Variants in GPR89A observed in about 807,000 individuals in gnomAD.
The protein encoded by GPR89A is golgi pH regulator A.
A neutral mutation model predicts 52.0 loss-of-function variants in GPR89A; 16 were observed. The observed-to-expected ratio is 0.31, with a 90% CI of 0.21 to 0.47. The LOEUF (loss-of-function observed/expected upper bound fraction) is 0.47. Ranked by LOEUF, GPR89A falls within the 20% of genes least tolerant of loss-of-function variation. The pLI is 1.00. For missense variants in GPR89A, 135 were observed against 449.4 expected (o/e 0.30, Z 6.33); for synonymous variants, 55 against 150.9 (o/e 0.36, Z 4.66).
intron 7 of GPR89A, among the ~76,000 whole-genome samples, chr1:145,635,915 C>T (rs1398406779): frequency 1.1e-4 from 16 of 152,122 alleles, no homozygotes; most frequent in African/African-American, 3.6e-4. Context: ...GCCGAGATTA[C>T]ACCACTGCAC....
At chr1:145,648,745 T>C (rs1553693054) in intron 10 of GPR89A, among the ~76,000 whole-genome samples, 1 of 150,512 alleles carries the variant, frequency 6.6e-6, no homozygotes, top group Admixed American at 6.6e-5. Context: ...CCTCCCAAAG[T>C]GCTGGGACTA....
At chr1:145,613,603 T>C (rs1416227909) in intron 1 of GPR89A, among the ~76,000 whole-genome samples, 2 of 151,596 alleles carry the variant, frequency 1.3e-5, no homozygotes, top group Non-Finnish European at 2.9e-5. Flanking sequence ...CCACTCCTCC[T>C]GTCTAGCCTC....
chr1:145,636,066 G>T (rs1650220985), intron 7 of GPR89A, among the ~76,000 whole-genome samples: 1 of 151,910 alleles, frequency 6.6e-6, no homozygotes, highest in East Asian at 1.9e-4. Context: ...ACATACTATA[G>T]CCCATTTCCC....
At chr1:145,625,075 G>A (rs1182177828) in intron 5 of GPR89A, among the ~76,000 whole-genome samples, 4 of 149,038 alleles carry the variant, frequency 2.7e-5, no homozygotes, top group African/African-American at 4.8e-5. Flanking sequence ...CAGGAATTTC[G>A]GGAGAGAGGT....
At chr1:145,611,394 TGGTGAG>T (rs1553686115) in intron 1 of GPR89A, 6 of 151,704 alleles carry the variant, frequency 4.0e-5, no homozygotes, top group Non-Finnish European at 8.8e-5. Flanking sequence ...ATCTTTATGT[TGGTGAG>T]TACCCAATAT....
At chr1:145,659,209 G>A (rs182436394) in intron 10 of GPR89A, among the ~76,000 whole-genome samples, 53 of 149,972 alleles carry the variant, frequency 3.5e-4, no homozygotes, top group African/African-American at 1.3e-3. Context: ...TATTGAGGTG[G>A]AGTCTAGCTC....
intron 6 of GPR89A, among the ~76,000 whole-genome samples, chr1:145,631,015 CA>C (rs1346807537): frequency 5.7e-5 from 2 of 35,096 alleles, no homozygotes; most frequent in Non-Finnish European, 1.1e-4. Context: ...ATTTGTCCTA[CA>C]TTCATTTATT....
intron 7 of GPR89A, among the ~76,000 whole-genome samples, chr1:145,634,087 T>TTG (rs1359667081): frequency 6.7e-6 from 1 of 149,490 alleles, no homozygotes. Context: ...TTGTGTTTTT[T>TTG]TTTTTTTTTT....
intron 7 of GPR89A, among the ~76,000 whole-genome samples, chr1:145,637,267 A>G (rs1400611729): frequency 6.7e-6 from 1 of 149,850 alleles, no homozygotes; most frequent in African/African-American, 2.5e-5. Context: ...GCAGTTGAAA[A>G]TTTAGGAGAG....
intron 1 of GPR89A, chr1:145,612,361 G>C (rs1319366809): frequency 6.6e-6 from 1 of 152,006 alleles, no homozygotes; most frequent in Non-Finnish European, 1.5e-5. Flanking sequence ...CCCCTACTCC[G>C]GTTTAAAGCC....
intron 8 of GPR89A, 26 bp downstream of exon 8, chr1:145,644,004 C>A: frequency 4.8e-6 from 1 of 210,332 alleles, no homozygotes. Context: ...CTGCTTGATT[C>A]TTTTTCTCAA....
intron 10 of GPR89A, among the ~76,000 whole-genome samples, chr1:145,650,971 T>C (rs1651410655): frequency 6.6e-6 from 1 of 151,292 alleles, no homozygotes; most frequent in South Asian, 2.1e-4. Context: ...ATAGTTTCTT[T>C]AGCTGTGCAG....
intron 2 of GPR89A, among the ~76,000 whole-genome samples, chr1:145,617,689 A>C (rs1648818619): frequency 6.6e-6 from 1 of 151,976 alleles, no homozygotes; most frequent in African/African-American, 2.4e-5. Flanking sequence ...CAGTCCCTCC[A>C]TTCGGGGTCC....
At chr1:145,625,224 A>G (rs1346621921) in intron 5 of GPR89A, among the ~76,000 whole-genome samples, 8 of 151,664 alleles carry the variant, frequency 5.3e-5, no homozygotes, top group Middle Eastern at 3.2e-3. Flanking sequence ...AAAACTTAAC[A>G]TAACACCAGC....
intron 10 of GPR89A, among the ~76,000 whole-genome samples, chr1:145,656,902 T>G (rs1402528976): frequency 9.2e-5 from 14 of 151,846 alleles, no homozygotes; most frequent in Non-Finnish European, 1.8e-4. Flanking sequence ...CATGAAAAGG[T>G]GTTGGATTTT....
chr1:145,627,318 A>G (rs1229525510), intron 5 of GPR89A, among the ~76,000 whole-genome samples: 1 of 152,010 alleles, frequency 6.6e-6, no homozygotes, highest in Non-Finnish European at 1.5e-5. Flanking sequence ...TAGAGGGGGA[A>G]TTTTTTCAGT....
chr1:145,616,446 C>G (rs1461587191), intron 2 of GPR89A, among the ~76,000 whole-genome samples, 153 bp downstream of exon 2: 3 of 151,910 alleles, frequency 2.0e-5, no homozygotes, highest in Non-Finnish European at 4.4e-5. Flanking sequence ...TATAAGTAGA[C>G]TTAATTGATT....
At chr1:145,619,648 T>C (rs1206261745) in intron 3 of GPR89A, among the ~76,000 whole-genome samples, 3 of 152,022 alleles carry the variant, frequency 2.0e-5, no homozygotes, top group Admixed American at 2.0e-4. Flanking sequence ...AATGGTCTCT[T>C]GATAGAACAA....
chr1:145,610,495 C>T (rs587728474), intron 1 of GPR89A, among the ~76,000 whole-genome samples: 2 of 152,236 alleles, frequency 1.3e-5, no homozygotes, highest in Admixed American at 1.3e-4. Context: ...TCTTTCTGGG[C>T]CTTTTCCTCA....
Sources: gnomAD v4.1 joint callset for allele counts (sites outside exome capture counted in the v4.1 genomes callset) on GRCh38, gnomAD v4.1.1 for gene constraint, MANE v1.5 for transcripts, NCBI Gene and HGNC (gene_info 2026-07-23, HGNC 2026-07-21) for gene names.